CLVS1: variants seen among roughly 807,000 people sequenced by gnomAD.
CLVS1 encodes the protein clavesin-1.
CLVS1 carries 10 observed loss-of-function variants against 33.1 expected under a neutral mutation model. The observed-to-expected ratio is 0.30, with a 90% CI of 0.19 to 0.51. The LOEUF is 0.51. Among genes scored for constraint, CLVS1 ranks in the 20% least tolerant of loss-of-function variants. The pLI is 0.97. For synonymous variants in CLVS1, 163 were observed against 166.1 expected, an observed-to-expected ratio of 0.98 and a Z score of 0.14; for missense variants, 343 against 433.4, an observed-to-expected ratio of 0.79 and a Z score of 1.85.
chr8:61,021,929 T>A, the CLVS1 span, among the ~76,000 whole-genome samples: 5 of 152,142 alleles, frequency 3.3e-5, no homozygotes, highest in Non-Finnish European at 7.4e-5. Flanking sequence ...ACTGTTCCCA[T>A]CTTTATGGCC....
chr8:61,076,457 CCTT>C (rs1303531924), intron 1 of CLVS1, among the ~76,000 whole-genome samples: 2 of 152,222 alleles, frequency 1.3e-5, no homozygotes, highest in Non-Finnish European at 2.9e-5. Context: ...ATCTCTCTCT[CCTT>C]CTGTGCTTCC....
At chr8:61,224,927 C>T (rs1019821378) in intron 2 of CLVS1, among the ~76,000 whole-genome samples, 6 of 152,142 alleles carry the variant, frequency 3.9e-5, no homozygotes, top group Non-Finnish European at 7.3e-5. Flanking sequence ...CTAAGTGCAC[C>T]ACGAATTCTC....
At chr8:61,338,267 G>C (rs1056544354) in intron 2 of CLVS1, among the ~76,000 whole-genome samples, 3 of 151,898 alleles carry the variant, frequency 2.0e-5, no homozygotes, top group Non-Finnish European at 4.4e-5. Context: ...CTTTATTTCA[G>C]AATAGGAAAA....
At chr8:61,132,392 C>T (rs1041922817) in intron 2 of CLVS1, among the ~76,000 whole-genome samples, 8 of 152,122 alleles carry the variant, frequency 5.3e-5, no homozygotes, top group African/African-American at 9.7e-5. Context: ...AGAAAGCACC[C>T]GGGGCTGGAG....
chr8:60,968,740 T>A, the CLVS1 span, among the ~76,000 whole-genome samples: 55 of 151,446 alleles, frequency 3.6e-4, no homozygotes, highest in Non-Finnish European at 7.1e-4. Flanking sequence ...AATACAAAAA[T>A]TAGCTGAGTG....
At chr8:61,021,205 C>T in the CLVS1 span, among the ~76,000 whole-genome samples, 782 of 152,328 alleles carry the variant, frequency 5.1e-3, 7 homozygotes, top group African/African-American at 0.018. Flanking sequence ...AAAGAGAAGG[C>T]CAAGGGCCAA....
intron 2 of CLVS1, among the ~76,000 whole-genome samples, chr8:61,304,713 G>A (rs74955391): frequency 0.013 from 2,024 of 152,212 alleles, 14 homozygotes; most frequent in Non-Finnish European, 0.016. Flanking sequence ...CTTGCACTTG[G>A]TCATAAGCCC....
chr8:61,491,228 T>C (rs766294818), intron 5 of CLVS1, among the ~76,000 whole-genome samples: 4 of 152,214 alleles, frequency 2.6e-5, no homozygotes, highest in Non-Finnish European at 5.9e-5. Flanking sequence ...TCCAGTCTAG[T>C]AGTATGCACA....
chr8:61,083,539 G>A (rs1305318789), intron 1 of CLVS1, among the ~76,000 whole-genome samples: 1 of 152,150 alleles, frequency 6.6e-6, no homozygotes, highest in African/African-American at 2.4e-5. Flanking sequence ...AGCAACGGGA[G>A]AAGACAGGCA....
intron 2 of CLVS1, among the ~76,000 whole-genome samples, chr8:61,218,618 A>C (rs1473381465): frequency 7.1e-6 from 1 of 139,862 alleles, no homozygotes; most frequent in Non-Finnish European, 1.5e-5. Context: ...ATGAATATGT[A>C]TAATTATTAT....
At chr8:61,402,764 CTT>C (rs1432140707) in intron 3 of CLVS1, among the ~76,000 whole-genome samples, 3 of 152,178 alleles carry the variant, frequency 2.0e-5, no homozygotes, top group Non-Finnish European at 2.9e-5. Flanking sequence ...TAATCTATAA[CTT>C]ATTATTTATT....
chr8:61,495,533 C>T (rs1586059495), intron 5 of CLVS1, among the ~76,000 whole-genome samples: 1 of 152,324 alleles, frequency 6.6e-6, no homozygotes, highest in East Asian at 1.9e-4. Flanking sequence ...CCCAGATAAT[C>T]ATTTGGATGG....
At chr8:61,398,147 A>G (rs1700473757) in intron 3 of CLVS1, among the ~76,000 whole-genome samples, 2 of 151,174 alleles carry the variant, frequency 1.3e-5, no homozygotes, top group African/African-American at 4.9e-5. Context: ...ATTTCATTTA[A>G]TAATGTTTTA....
chr8:60,976,782 C>T, the CLVS1 span, among the ~76,000 whole-genome samples: 313 of 152,378 alleles, frequency 2.1e-3, 1 homozygote, highest in African/African-American at 6.9e-3. Flanking sequence ...ATCTGCTTGC[C>T]ATGGGGGCGG....
chr8:61,214,367 A>T (rs905928682), intron 2 of CLVS1, among the ~76,000 whole-genome samples: 1 of 152,082 alleles, frequency 6.6e-6, no homozygotes, highest in Non-Finnish European at 1.5e-5. Flanking sequence ...ACCTACCAAC[A>T]TGTGATGTCT....
At chr8:61,072,650 G>T (rs1317437063) in intron 1 of CLVS1, among the ~76,000 whole-genome samples, 1 of 152,182 alleles carries the variant, frequency 6.6e-6, no homozygotes. Flanking sequence ...TGTAAACACA[G>T]CTAATGGGTC....
intron 2 of CLVS1, among the ~76,000 whole-genome samples, chr8:61,376,215 G>C (rs1479712219): frequency 1.3e-5 from 2 of 152,164 alleles, no homozygotes; most frequent in Non-Finnish European, 2.9e-5. Flanking sequence ...TCATTGTACT[G>C]GGGAAACAAC....
At chr8:61,453,185 G>T (rs1817026235) in intron 3 of CLVS1, among the ~76,000 whole-genome samples, 1 of 151,940 alleles carries the variant, frequency 6.6e-6, no homozygotes, top group Non-Finnish European at 1.5e-5. Context: ...AGCGTTTAGA[G>T]ATTCCTTCTT....
In CLVS1 at chr8:61,126,398, G is replaced by A. The variant is rs1339890513; in HGVS notation, c.-242-5372G>A. On this transcript the variant is annotated intron_variant, in intron 1 of 2. Coordinates refer to the CLVS1 transcript ENST00000522621. ...TTTGGTGGTTAACCATCAGGGTCTG[G>A]GGTTCCATTGCCTGGGTTAGCATCT... Among the ~76,000 whole-genome samples, 5 of 152,130 alleles carry A rather than the reference G, an allele frequency of 3.3e-5. No individual in the cohort carries two copies. In the East Asian group the frequency reaches 9.6e-4, roughly 29 times the overall value.
Sources: gnomAD v4.1 joint callset for allele counts (sites outside exome capture counted in the v4.1 genomes callset) on GRCh38, gnomAD v4.1.1 for gene constraint, MANE v1.5 for transcripts, NCBI Gene and HGNC (gene_info 2026-07-23, HGNC 2026-07-21) for gene names.